PCDHGB1: variants seen among roughly 807,000 people sequenced by gnomAD.
PCDHGB1 encodes the protein protocadherin gamma-B1.
A neutral mutation model predicts 56.6 loss-of-function variants in PCDHGB1; 34 were observed. The observed-to-expected ratio is 0.60, with a 90% CI of 0.46 to 0.80. The LOEUF is 0.80. Ranked by LOEUF, PCDHGB1 falls within the 30% of genes least tolerant of loss-of-function variation. The pLI, the probability that PCDHGB1 is intolerant of heterozygous loss-of-function variation, is 0.00. For missense variants in PCDHGB1, 1,278 were observed against 1,204.6 expected (o/e 1.06, Z -0.90); for synonymous variants, 561 against 505.9 (o/e 1.11, Z -1.46).
chr5:141,476,744 C>A lies in PCDHGB1; in HGVS notation c.2410-18063C>A, dbSNP rs1168392300. ...CCTGGACCGAGAACGGGAGCCTAGT[C>A]TCCAGTTAGTGCTGACGGCGTTGGA... On this transcript the variant is annotated intron_variant, in intron 1 of 3. Coordinates refer to ENST00000523390, the MANE Select transcript of PCDHGB1 (RefSeq NM_018922.3). The surrounding 1 kb of genome is among the most constrained non-coding windows in gnomAD (Gnocchi z 7.6). 1.2e-6 allele frequency: 2 copies of A among 1,614,046 alleles called. No individual in the cohort carries two copies. Among genetic ancestry groups the A allele is most frequent in the Admixed American group, 3.3e-5 (2 of 60,034 alleles).
intron 1 of PCDHGB1, chr5:141,422,941 G>C (rs777535652): frequency 1.2e-6 from 2 of 1,614,218 alleles, no homozygotes; most frequent in Non-Finnish European, 1.7e-6. Context: ...CCCCACAGAC[G>C]GCTCCACTGG....
rs761718852 is a variant in PCDHGB1, at chr5:141,432,440, G to A, written c.2410-62367G>A. ...GCTGGACCAGAACGACAATGCGCCCGAGATCCTGTACCCCGCCCTCCCCAC... is the reference window on the plus strand; with the variant it reads ...GCTGGACCAGAACGACAATGCGCCCAAGATCCTGTACCCCGCCCTCCCCAC... On this transcript the variant is annotated intron_variant, in intron 1 of 3. Transcript: ENST00000523390. The surrounding 1 kb of genome is among the most constrained non-coding windows in gnomAD (Gnocchi z 6.0). 1.3e-5 allele frequency: 21 copies of A among 1,614,226 alleles called. No homozygotes were observed. Among genetic ancestry groups the A allele is most frequent in the Non-Finnish European group, 1.6e-5 (19 of 1,180,048 alleles).
chr5:141,392,704 G>A, intron 1 of PCDHGB1: 1 of 1,281,856 alleles, frequency 7.8e-7, no homozygotes, highest in East Asian at 2.6e-5. Flanking sequence ...CCTGTTTGGA[G>A]GCACTCCAGG....
At chr5:141,427,198 T>G (rs1345851173) in intron 1 of PCDHGB1, 1 of 456,584 alleles carries the variant, frequency 2.2e-6, no homozygotes, top group African/African-American at 2.0e-5. Flanking sequence ...AAAGACTTAA[T>G]AGACTTCGAA....
chr5:141,370,825 AACTGGCTCTC>A (rs1767227314), intron 1 of PCDHGB1: 3 of 1,614,070 alleles, frequency 1.9e-6, no homozygotes, highest in Admixed American at 3.3e-5. Context: ...GAAATCAGCG[AACTGGCTCTC>A]ACTGGAGCCA....
intron 1 of PCDHGB1, chr5:141,366,646 GC>G: frequency 6.2e-7 from 1 of 1,614,248 alleles, no homozygotes; most frequent in South Asian, 1.1e-5. Context: ...TCTTTCCCCA[GC>G]CCAACTACGC....
chr5:141,351,236 C>G lies in PCDHGB1; in HGVS notation c.976C>G (p.His326Asp). 2 of 1,613,964 alleles carry G rather than the reference C, an allele frequency of 1.2e-6. No homozygotes were observed. Among genetic ancestry groups the G allele is most frequent in the Middle Eastern group, 1.6e-4 (1 of 6,062 alleles). The part of the protein sequence containing the change: ...EAKDGGVHTA[H>D]CNVQIEIVDE... ...TAAGGATGGAGGAGTACACACAGCT[C>G]ACTGTAATGTTCAAATAGAAATTGT... Residue 326 changes from histidine (H) to aspartate (D), a missense_variant, in exon 1 of 4, where the codon CAC (histidine) becomes GAC (aspartate). Physicochemically the swap from His to Asp is moderately conservative, Grantham distance 81. Coordinates refer to ENST00000523390, the MANE Select transcript of PCDHGB1 (RefSeq NM_018922.3).
rs775012950 is a variant in PCDHGB1, at chr5:141,428,225, A to T, written c.2410-66582A>T. On this transcript the variant is annotated intron_variant, in intron 1 of 3. Coordinates refer to ENST00000523390, the MANE Select transcript of PCDHGB1 (RefSeq NM_018922.3). ...GCTACGCTTCACCTAGTCTTCGCAG[A>T]CAGCCTGCAGGAGGCACTGCCAGAC... is the stretch of plus-strand genomic sequence containing the variant. 19 of 1,156,574 alleles carry T rather than the reference A, an allele frequency of 1.6e-5. No homozygotes were observed. In the Admixed American group the frequency reaches 3.1e-4, roughly 19 times the overall value. 71.6% of individuals were successfully genotyped at this position (1,156,574 alleles called of 1,614,324 possible).
intron 1 of PCDHGB1, chr5:141,408,051 C>G (rs894200228): frequency 3.2e-5 from 41 of 1,264,370 alleles, no homozygotes; most frequent in African/African-American, 1.1e-4. Flanking sequence ...CCACACAGAG[C>G]CTCCCGGCTG....
In PCDHGB1 at chr5:141,487,608, G is replaced by T; in HGVS notation, c.2410-7199G>T. 1 of 1,614,182 alleles carries T rather than the reference G, an allele frequency of 6.2e-7. No individual in the cohort carries two copies. The highest frequency in any genetic ancestry group is 8.5e-7 in the Non-Finnish European group (1 of 1,180,042). On this transcript the variant is annotated intron_variant, in intron 1 of 3. Coordinates refer to ENST00000523390, the MANE Select transcript of PCDHGB1 (RefSeq NM_018922.3). The surrounding 1 kb of genome is among the most constrained non-coding windows in gnomAD (Gnocchi z 5.0). ...TGCCCACCCTCTGATCTTCTCTATG[G>T]GCTAGAGGTGAGACCTTTGCAGGCT...
intron 1 of PCDHGB1, chr5:141,360,756 A>T: frequency 6.2e-7 from 1 of 1,614,010 alleles, no homozygotes; most frequent in Non-Finnish European, 8.5e-7. Context: ...AGCACAGTTT[A>T]CATCAATTGG....
intron 1 of PCDHGB1, among the ~76,000 whole-genome samples, chr5:141,368,272 C>G (rs1227481804): frequency 1.3e-5 from 2 of 152,064 alleles, no homozygotes; most frequent in Non-Finnish European, 2.9e-5. Flanking sequence ...ATTAAAGAAC[C>G]TAAGACCACT....
At chr5:141,484,876 A>C in intron 1 of PCDHGB1, 1 of 315,240 alleles carries the variant, frequency 3.2e-6, no homozygotes, top group Non-Finnish European at 5.8e-6. Flanking sequence ...CGTGGAGGAT[A>C]GGGTGGGCTT....
intron 1 of PCDHGB1, chr5:141,355,812 A>G (rs777935984): frequency 1.2e-6 from 2 of 1,613,288 alleles, no homozygotes; most frequent in South Asian, 2.2e-5. Context: ...ATCGCGAGGA[A>G]GAGGCGGTTC....
chr5:141,496,152 C>T (rs771462960), intron 2 of PCDHGB1, among the ~76,000 whole-genome samples: 2 of 152,080 alleles, frequency 1.3e-5, no homozygotes, highest in Non-Finnish European at 1.5e-5. Flanking sequence ...GATCGCAGCT[C>T]TCCACCAGAC....
chr5:141,410,447 C>A, intron 1 of PCDHGB1: 1 of 1,613,984 alleles, frequency 6.2e-7, no homozygotes, highest in Non-Finnish European at 8.5e-7. Context: ...GGGGACTTTG[C>A]CTTATTCTTA....
chr5:141,387,741 G>A, intron 1 of PCDHGB1: 7 of 1,332,868 alleles, frequency 5.3e-6, no homozygotes, highest in Non-Finnish European at 6.1e-6. Context: ...CCTTTACACC[G>A]CTTCCTCCTC....
At chr5:141,355,153 T>A in intron 1 of PCDHGB1, 3 of 1,549,638 alleles carry the variant, frequency 1.9e-6, no homozygotes, top group Non-Finnish European at 2.6e-6. Context: ...TCCTCAGGCC[T>A]CGACAGAGGG....
rs1396618267 is a variant in PCDHGB1, at chr5:141,421,234, A to T, written c.2409+68565A>T. On this transcript the variant is annotated intron_variant, in intron 1 of 3. Coordinates refer to ENST00000523390, the MANE Select transcript of PCDHGB1 (RefSeq NM_018922.3). ...TATCGGCTTAGAGCCTGCCATGGCG[A>T]ATCGGCTACAGCGCGGGGACCGCAG... 7 of 1,593,656 alleles carry T rather than the reference A, an allele frequency of 4.4e-6. No homozygotes were observed. In the African/African-American group the frequency reaches 9.4e-5, roughly 21 times the overall value.
Sources: allele counts gnomAD v4.1 joint callset (sites outside exome capture counted in the v4.1 genomes callset), GRCh38; gene constraint gnomAD v4.1.1; non-coding constraint Gnocchi (gnomAD v3.1); transcripts MANE v1.5; gene names NCBI Gene and HGNC (gene_info 2026-07-23, HGNC 2026-07-21).